The following TTLL7 variants were observed in gnomAD, a reference collection of about 807,000 sequenced individuals.
TTLL7 encodes the protein tubulin polyglutamylase TTLL7.
A neutral mutation model predicts 120.2 loss-of-function variants in TTLL7; 53 were observed. The ratio of observed to expected loss-of-function variants is 0.44; its 90% CI spans 0.35 to 0.55. The LOEUF (loss-of-function observed/expected upper bound fraction) is 0.55, where lower values mean the gene tolerates loss of function less well. Ranked by LOEUF, TTLL7 falls within the 20% of genes least tolerant of loss-of-function variation. TTLL7 has a pLI of 0.00. For missense variants in TTLL7, 803 were observed against 1,054.7 expected (o/e 0.76, Z 3.31); for synonymous variants, 353 against 351.7 (o/e 1.00, Z -0.04).
At chr1:83,954,714 T>G (rs1649354769) in intron 1 of TTLL7, among the ~76,000 whole-genome samples, 1 of 152,108 alleles carries the variant, frequency 6.6e-6, no homozygotes, top group Admixed American at 6.5e-5. Flanking sequence ...GAACCTCTAC[T>G]GTAAGCACAC....
intron 1 of TTLL7, among the ~76,000 whole-genome samples, chr1:83,971,904 T>C (rs867917063): frequency 2.0e-5 from 3 of 150,176 alleles, no homozygotes; most frequent in Admixed American, 6.6e-5. Flanking sequence ...CTAACTGTTT[T>C]CAGAGCCTAG....
intron 19 of TTLL7, chr1:83,887,108 G>A (rs1311441907): frequency 2.0e-6 from 1 of 496,954 alleles, no homozygotes; most frequent in African/African-American, 2.1e-5. Context: ...GCCAACTCTA[G>A]GGAAACCTAC....
At chr1:83,956,996 T>C (rs976518345) in intron 1 of TTLL7, among the ~76,000 whole-genome samples, 1 of 152,182 alleles carries the variant, frequency 6.6e-6, no homozygotes, top group Non-Finnish European at 1.5e-5. Context: ...CAAACTGTGT[T>C]CTCCATTTAA....
chr1:83,996,235 C>G (rs2100662094), intron 1 of TTLL7, among the ~76,000 whole-genome samples: 1 of 152,208 alleles, frequency 6.6e-6, no homozygotes, highest in Non-Finnish European at 1.5e-5. Context: ...TGTACTTGCA[C>G]AGAAAACTTT....
chr1:83,917,799 T>A, intron 13 of TTLL7, 109 bp from the exon 14 acceptor site: 1 of 708,098 alleles, frequency 1.4e-6, no homozygotes, highest in African/African-American at 1.8e-5. Context: ...TGAAATTATT[T>A]AGTGAAGATT....
intron 1 of TTLL7, among the ~76,000 whole-genome samples, chr1:83,963,545 T>TTTTA (rs1479193766): frequency 6.6e-6 from 1 of 152,164 alleles, no homozygotes; most frequent in Admixed American, 6.5e-5. Context: ...AGATTCCATT[T>TTTTA]TTTATTTTAA....
In TTLL7 at chr1:83,866,320, AT is replaced by A. The variant is rs1652913121; in HGVS notation, c.*3641del. On this transcript the variant is annotated 3_prime_UTR_variant, in exon 21 of 21. Coordinates refer to ENST00000260505, the MANE Select transcript of TTLL7 (RefSeq NM_024686.6). The stretch of plus-strand genomic sequence containing the variant: ...TTAAATCTAAAGAAATTTTTTAACT[AT>A]TAGTACTTTGACATGCTAAAGAAGA... 6.6e-6 allele frequency: 1 copy of A among 151,908 alleles called. No homozygotes were observed. Among genetic ancestry groups the A allele is most frequent in the African/African-American group, 2.4e-5 (1 of 41,446 alleles). 9.4% of individuals were successfully genotyped at this position (151,908 alleles called of 1,614,324 possible). A position where few individuals can be genotyped will look rare whatever the true frequency, so the allele number is the denominator to read the frequency against.
intron 4 of TTLL7, among the ~76,000 whole-genome samples, chr1:83,949,102 A>C (rs1224748245): frequency 2.6e-5 from 4 of 152,328 alleles, no homozygotes; most frequent in African/African-American, 9.6e-5. Flanking sequence ...GGTCTATACA[A>C]ACTGTCAACT....
At chr1:83,883,163 T>C (rs772271681) in intron 19 of TTLL7, 27 bp from the exon 20 acceptor site, 1 of 1,535,602 alleles carries the variant, frequency 6.5e-7, no homozygotes, top group Non-Finnish European at 8.8e-7. Flanking sequence ...AGACATGATC[T>C]CATGTTGGCT....
chr1:83,959,059 T>C (rs894180512), intron 1 of TTLL7, among the ~76,000 whole-genome samples: 3 of 152,098 alleles, frequency 2.0e-5, no homozygotes, highest in Non-Finnish European at 4.4e-5. Flanking sequence ...ATGTAGGTGA[T>C]TGTGAAATTA....
chr1:83,956,820 A>G (rs1382758391), intron 1 of TTLL7, among the ~76,000 whole-genome samples: 1 of 152,196 alleles, frequency 6.6e-6, no homozygotes, highest in Non-Finnish European at 1.5e-5. Context: ...GAATATATGG[A>G]ACATATCCAC....
intron 10 of TTLL7, among the ~76,000 whole-genome samples, chr1:83,926,531 G>T (rs1008141133): frequency 3.3e-5 from 5 of 152,152 alleles, no homozygotes; most frequent in Admixed American, 6.5e-5. Flanking sequence ...AGAGGGCTGA[G>T]GCAAGAACAC....
chr1:83,883,077 T>C lies in TTLL7; in HGVS notation c.2429A>G (p.Gln810Arg). Residue 810 changes from glutamine to arginine, a missense_variant, in exon 20 of 21, where the codon CAG becomes CGG. Physicochemically the swap from Gln to Arg is conservative, Grantham distance 43. Transcript: ENST00000260505. The part of the protein sequence containing the change: ...SPEVVTPLQL[Q>R]CCQRLVELCK... ...AAGCTCCACTAGGCGCTGGCAACAC[T>C]GGAGCTGCAAAGGAGTCACCACCTC... 1 of 1,612,360 alleles carries C rather than the reference T, an allele frequency of 6.2e-7. No individual in the cohort carries two copies. The highest frequency in any genetic ancestry group is 8.5e-7 in the Non-Finnish European group (1 of 1,179,058).
At chr1:83,899,005 T>G (rs1452373584) in intron 18 of TTLL7, among the ~76,000 whole-genome samples, 1 of 151,986 alleles carries the variant, frequency 6.6e-6, no homozygotes, top group Non-Finnish European at 1.5e-5. Context: ...ATGTGTATAT[T>G]TGTTAGGCTT....
chr1:83,981,530 TA>T (rs1651950483), intron 1 of TTLL7: 1 of 151,922 alleles, frequency 6.6e-6, no homozygotes, highest in African/African-American at 2.4e-5. Context: ...CTGAAAAGCT[TA>T]AAAATCAACA....
At chr1:83,957,618 T>C (rs1357576152) in intron 1 of TTLL7, among the ~76,000 whole-genome samples, 1 of 152,178 alleles carries the variant, frequency 6.6e-6, no homozygotes, top group East Asian at 1.9e-4. Context: ...ACACATCTAA[T>C]AGGTTGAAGT....
intron 7 of TTLL7, among the ~76,000 whole-genome samples, chr1:83,942,231 G>C (rs1648046693): frequency 6.6e-6 from 1 of 152,176 alleles, no homozygotes; most frequent in African/African-American, 2.4e-5. Context: ...ACAGCATCCA[G>C]AGAGGGTAAT....
chr1:83,924,590 G>A (rs1010548539), intron 10 of TTLL7, among the ~76,000 whole-genome samples: 1 of 152,166 alleles, frequency 6.6e-6, no homozygotes, highest in Non-Finnish European at 1.5e-5. Flanking sequence ...AGGAATTAGT[G>A]TTTAATGGGT....
chr1:83,892,902 A>C (rs1345256199), intron 18 of TTLL7, among the ~76,000 whole-genome samples: 1 of 142,696 alleles, frequency 7.0e-6, no homozygotes, highest in Non-Finnish European at 1.5e-5. Context: ...AAAGAGAAAG[A>C]AGGAAAAAGA....
Sources: gnomAD v4.1 joint callset for allele counts (sites outside exome capture counted in the v4.1 genomes callset) on GRCh38, gnomAD v4.1.1 for gene constraint, MANE v1.5 for transcripts, NCBI Gene and HGNC (gene_info 2026-07-23, HGNC 2026-07-21) for gene names.